The following MGA variants were observed in gnomAD, a reference collection of about 807,000 sequenced individuals.
MGA encodes MAX gene-associated protein.
In MGA, 40 loss-of-function variants were observed where a neutral mutation model predicts 261.1. The ratio of observed to expected loss-of-function variants is 0.15; its 90% CI spans 0.12 to 0.20. MGA has a LOEUF of 0.20. MGA is among the 10% of genes least tolerant of loss of function. The probability of loss-of-function intolerance (pLI) is 1.00; values close to 1 mark genes in which losing one functional copy is unlikely to be tolerated. For missense variants in MGA, 3,397 were observed against 3,630.5 expected, an observed-to-expected ratio of 0.94 and a Z score of 1.65; for synonymous variants, 1,302 against 1,290.6, an observed-to-expected ratio of 1.01 and a Z score of -0.19.
intron 2 of MGA, among the ~76,000 whole-genome samples, chr15:41,689,748 T>C (rs2151203609): frequency 6.6e-6 from 1 of 152,114 alleles, no homozygotes; most frequent in South Asian, 2.1e-4. Flanking sequence ...GTATTTTTAG[T>C]AGAGACAGGG....
intron 1 of MGA, among the ~76,000 whole-genome samples, chr15:41,632,631 C>G (rs2056614295): frequency 6.6e-6 from 1 of 152,188 alleles, no homozygotes; most frequent in Non-Finnish European, 1.5e-5. Context: ...TGCCCTCCAA[C>G]CTCTTAAAAC....
At chr15:41,728,434 CT>C (rs1309470360) in intron 10 of MGA, among the ~76,000 whole-genome samples, 3 of 152,138 alleles carry the variant, frequency 2.0e-5, no homozygotes, top group Non-Finnish European at 4.4e-5. Flanking sequence ...AAACTGAACT[CT>C]TAATAGTGTA....
At chr15:41,715,892 A>G (rs1172803171) in intron 9 of MGA, among the ~76,000 whole-genome samples, 1 of 152,180 alleles carries the variant, frequency 6.6e-6, no homozygotes, top group Non-Finnish European at 1.5e-5. Context: ...TCTTATGCTT[A>G]AGACAAGCAT....
At chr15:41,758,810 GCAAA>G (rs1377209370) in intron 19 of MGA, among the ~76,000 whole-genome samples, 1 of 152,098 alleles carries the variant, frequency 6.6e-6, no homozygotes, top group Non-Finnish European at 1.5e-5. Context: ...TTACGATTAA[GCAAA>G]CAGTGTCAGA....
chr15:41,697,413 CTTTTCTTTTTTT>C (rs1425211125), intron 3 of MGA, among the ~76,000 whole-genome samples: 1 of 133,472 alleles, frequency 7.5e-6, no homozygotes, highest in Admixed American at 7.3e-5. Context: ...TTTTATTTTT[CTTTTCTTTTTTT>C]TTTTTTTTTG....
Position 41,748,881 on chromosome 15 carries a change from C to T in MGA, c.5457C>T (p.Gly1819=). 1 of 1,613,944 alleles carries T rather than the reference C, an allele frequency of 6.2e-7. No homozygotes were observed. The highest frequency in any genetic ancestry group is 1.7e-4 in the Middle Eastern group (1 of 6,038). The change falls in exon 16 of 24, where the codon GGC becomes GGT. Residue 1819 remains glycine, a synonymous_variant. Transcript: ENST00000219905. ...TTCTACCTTTGCATCAGCTTCGAGGCTCTAATACCCAGCCCAACTTACAGC... is the reference window on the plus strand; with the variant it reads ...TTCTACCTTTGCATCAGCTTCGAGGTTCTAATACCCAGCCCAACTTACAGC...
chr15:41,639,707 G>A (rs559988402), intron 1 of MGA, among the ~76,000 whole-genome samples: 1 of 151,890 alleles, frequency 6.6e-6, no homozygotes. Context: ...ACCACGCCCA[G>A]CTAATTTTTT....
At chr15:41,727,045 G>A in intron 9 of MGA, 135 bp from the exon 10 acceptor site, 3 of 622,046 alleles carry the variant, frequency 4.8e-6, no homozygotes, top group Non-Finnish European at 5.5e-6. Flanking sequence ...CTTTGTTTGG[G>A]GAGGGGGTCG....
chr15:41,735,380 C>T (rs953685392), intron 12 of MGA, among the ~76,000 whole-genome samples: 2 of 152,168 alleles, frequency 1.3e-5, no homozygotes, highest in African/African-American at 2.4e-5. Context: ...GCAATCATAT[C>T]TAGAAGCACA....
At position 41,675,697 on chromosome 15, in the gene MGA, A is replaced by C. The variant is rs118168729; in HGVS notation, c.1064+5739A>C. ...CGGCTCTTTAGAGGCTTCTAATTCC[A>C]TTAATGGATGACTGCTTATTTCCTG... On this transcript the variant is annotated intron_variant, in intron 2 of 23. Coordinates refer to ENST00000219905, the MANE Select transcript of MGA (RefSeq NM_001164273.2). Among the ~76,000 whole-genome samples, 321 of 152,214 alleles carry C rather than the reference A, an allele frequency of 2.1e-3. 5 individuals carry two copies. In the East Asian group the frequency reaches 0.058, roughly 27 times the overall value.
intron 15 of MGA, among the ~76,000 whole-genome samples, chr15:41,744,299 G>T (rs2062303431): frequency 6.6e-6 from 1 of 152,050 alleles, no homozygotes; most frequent in Non-Finnish European, 1.5e-5. Flanking sequence ...TGCCTCCTGG[G>T]TTCACATGAT....
At chr15:41,737,318 G>T (rs950751799) in intron 13 of MGA, among the ~76,000 whole-genome samples, 44 of 150,098 alleles carry the variant, frequency 2.9e-4, no homozygotes, top group African/African-American at 1.1e-3. Flanking sequence ...GTTTTTTTTT[G>T]TTTTTGTTTT....
Position 41,767,378 on chromosome 15 carries a change from T to G in MGA, c.*98T>G. 7.7e-7 allele frequency: 1 copy of G among 1,300,636 alleles called. No individual in the cohort carries two copies. The highest frequency in any genetic ancestry group is 1.1e-6 in the Non-Finnish European group (1 of 945,724). 80.6% of individuals were successfully genotyped at this position (1,300,636 alleles called of 1,614,324 possible). A position where few individuals can be genotyped will look rare whatever the true frequency, so the allele number is the denominator to read the frequency against. ...GTTTGTTTGTGTCTTAGAACTTGGA[T>G]CCTTGACTTCAATGATGCAGTGGAT... On this transcript the variant is annotated 3_prime_UTR_variant, in exon 24 of 24. Transcript: ENST00000219905.
At chr15:41,693,828 GTCAATATAGT>G (rs2059412671) in intron 2 of MGA, among the ~76,000 whole-genome samples, 1 of 152,066 alleles carries the variant, frequency 6.6e-6, no homozygotes, top group Non-Finnish European at 1.5e-5. Flanking sequence ...GGCAAGTAAC[GTCAATATAGT>G]TCAATATTTT....
intron 3 of MGA, 39 bp downstream of exon 3, chr15:41,697,062 G>A: frequency 7.0e-7 from 1 of 1,422,922 alleles, no homozygotes; most frequent in Non-Finnish European, 9.3e-7. Context: ...AGGCTAATTA[G>A]TCATACTTGA....
At chr15:41,665,492 C>T (rs919830590) in intron 1 of MGA, among the ~76,000 whole-genome samples, 1 of 151,676 alleles carries the variant, frequency 6.6e-6, no homozygotes, top group African/African-American at 2.4e-5. Context: ...CCCCCAGGCT[C>T]GAGGGATCCT....
At position 41,767,331 on chromosome 15, in the gene MGA, C is replaced by T. The variant is rs1054337233; in HGVS notation, c.*51C>T. 4.6e-6 allele frequency: 7 copies of T among 1,520,926 alleles called. No individual in the cohort carries two copies. In the African/African-American group the frequency reaches 6.9e-5, roughly 15 times the overall value. 94.2% of individuals were successfully genotyped at this position (1,520,926 alleles called of 1,614,324 possible). The stretch of plus-strand genomic sequence containing the variant: ...AGGCTGTGAGGGGAAATAGATCTCA[C>T]CTCCTTTCTCTGCAGGCATCTGTTT... On this transcript the variant is annotated 3_prime_UTR_variant, in exon 24 of 24. Transcript: ENST00000219905.
At chr15:41,691,912 T>C (rs968133468) in intron 2 of MGA, among the ~76,000 whole-genome samples, 3 of 152,092 alleles carry the variant, frequency 2.0e-5, no homozygotes, top group African/African-American at 4.8e-5. Flanking sequence ...TTTTTTTTTT[T>C]CCTTCTATTC....
chr15:41,712,822 T>C lies in MGA; in HGVS notation c.3085-329T>C, dbSNP rs536604945. ...ACGGTATGTGTATGAATTAGCCTGGTTGCGTTCCAGTGAAACTTTATGACA... is the reference window on the plus strand; with the variant it reads ...ACGGTATGTGTATGAATTAGCCTGGCTGCGTTCCAGTGAAACTTTATGACA... On this transcript the variant is annotated intron_variant, in intron 8 of 23. Transcript: ENST00000219905. Among the ~76,000 whole-genome samples, 118 of 152,306 alleles carry C rather than the reference T, an allele frequency of 7.7e-4. No homozygotes were observed. In the South Asian group the frequency reaches 0.011, roughly 15 times the overall value.
Sources: allele counts gnomAD v4.1 joint callset (sites outside exome capture counted in the v4.1 genomes callset), GRCh38; gene constraint gnomAD v4.1.1; transcripts MANE v1.5; gene names NCBI Gene and HGNC (gene_info 2026-07-23, HGNC 2026-07-21).